VIPR2: variants seen among roughly 807,000 people sequenced by gnomAD.
VIPR2 encodes vasoactive intestinal polypeptide receptor 2.
A neutral mutation model predicts 58.0 loss-of-function variants in VIPR2; 48 were observed. The ratio of observed to expected loss-of-function variants is 0.83; its 90% CI spans 0.66 to 1.05. The LOEUF is 1.05. Among genes scored for constraint, VIPR2 ranks in the 50% least tolerant of loss-of-function variants. The pLI is 0.00. For missense variants in VIPR2, 534 were observed against 558.0 expected (o/e 0.96, Z 0.43); for synonymous variants, 243 against 235.2 (o/e 1.03, Z -0.30).
intron 4 of VIPR2, among the ~76,000 whole-genome samples, chr7:159,079,091 T>C (rs1269672835): frequency 6.6e-6 from 1 of 151,940 alleles, no homozygotes; most frequent in Non-Finnish European, 1.5e-5. Flanking sequence ...CACTCTCAGC[T>C]CCACTCAGAG....
intron 5 of VIPR2, among the ~76,000 whole-genome samples, chr7:159,047,476 G>T (rs113147475): frequency 0.043 from 6,609 of 152,130 alleles, 479 homozygotes; most frequent in African/African-American, 0.15. Flanking sequence ...ATTTGTCAAA[G>T]AATTCGGTTA....
Position 159,090,549 on chromosome 7 carries a change from C to T in VIPR2, c.357+13208G>A, listed in dbSNP as rs868660156. 1.0e-3 allele frequency among the ~76,000 whole-genome samples: 70 copies of T among 68,868 alleles called. 3 individuals are homozygous for T. Among genetic ancestry groups the T allele is most frequent in the African/African-American group, 5.1e-3 (49 of 9,592 alleles). The allele number at this position is 68,868 out of a possible 152,430, so 45.2% of individuals were successfully genotyped here. A position where few individuals can be genotyped will look rare whatever the true frequency, so the allele number is the denominator to read the frequency against. On this transcript the variant is annotated intron_variant, in intron 4 of 12. Transcript: ENST00000262178. ...TGACCTCAGCACAGACACGCTGGGACCACGCACAGGGGCCACCTCTTGTGA... is the reference window on the plus strand; with the variant it reads ...TGACCTCAGCACAGACACGCTGGGATCACGCACAGGGGCCACCTCTTGTGA...
At chr7:159,126,297 TTCTG>T (rs1796646907) in intron 2 of VIPR2, among the ~76,000 whole-genome samples, 1 of 152,264 alleles carries the variant, frequency 6.6e-6, no homozygotes, top group South Asian at 2.1e-4. Context: ...AAATGAAGGC[TTCTG>T]TCTTCTTTTT....
intron 2 of VIPR2, among the ~76,000 whole-genome samples, chr7:159,118,613 C>T (rs761020106): frequency 6.6e-6 from 1 of 152,244 alleles, no homozygotes; most frequent in Non-Finnish European, 1.5e-5. Context: ...CAGGCATGAG[C>T]CCAGCTCCAC....
intron 4 of VIPR2, among the ~76,000 whole-genome samples, chr7:159,086,688 G>T (rs961319470): frequency 6.6e-6 from 1 of 152,220 alleles, no homozygotes; most frequent in African/African-American, 2.4e-5. Flanking sequence ...GTTGTGCCCA[G>T]GAGCTGGTCC....
rs1178079381 is a variant in VIPR2 at position 159,144,768 on chromosome 7, G to A, written c.4C>T (p.Arg2Trp). The A allele has an allele frequency of 1.3e-5, 16 of 1,254,926 alleles. No homozygotes were observed. The highest frequency in any genetic ancestry group is 1.6e-5 in the Non-Finnish European group (16 of 1,001,658). 77.7% of individuals were successfully genotyped at this position (1,254,926 alleles called of 1,614,324 possible). ...AGCAGCGCGGGAGGCAGCAGCGTCCGCATCCCGAGCTCAGCGTGCCGGGGG... is the reference window on the plus strand; with the variant it reads ...AGCAGCGCGGGAGGCAGCAGCGTCCACATCCCGAGCTCAGCGTGCCGGGGG... M[R>W]TLLPPALLTC... The change falls in exon 1 of 13, where the codon CGG (arginine) becomes TGG (tryptophan). Residue 2 changes from arginine to tryptophan, a missense_variant. Physicochemically the swap from Arg to Trp is moderately radical, Grantham distance 101. Coordinates refer to ENST00000262178, the MANE Select transcript of VIPR2 (RefSeq NM_003382.5).
intron 4 of VIPR2, among the ~76,000 whole-genome samples, chr7:159,101,257 C>A (rs1488751891): frequency 7.0e-6 from 1 of 143,242 alleles, no homozygotes; most frequent in East Asian, 2.1e-4. Flanking sequence ...ACGGGTCTCA[C>A]GAGATCCGAT....
chr7:159,058,436 G>T (rs1360116561), intron 5 of VIPR2, 45 bp downstream of exon 5: 1 of 1,567,222 alleles, frequency 6.4e-7, no homozygotes, highest in Non-Finnish European at 8.8e-7. Context: ...TGGAAACTTT[G>T]CTTGTCTTGT....
intron 6 of VIPR2, among the ~76,000 whole-genome samples, chr7:159,041,881 A>T (rs2129493390): frequency 6.6e-6 from 1 of 151,694 alleles, no homozygotes; most frequent in East Asian, 1.9e-4. Flanking sequence ...CCATCCTCAC[A>T]CTTCTTATGG....
chr7:159,066,136 C>T (rs1856071305), intron 4 of VIPR2, among the ~76,000 whole-genome samples: 2 of 151,534 alleles, frequency 1.3e-5, no homozygotes, highest in African/African-American at 2.4e-5. Context: ...CCCACGTTGT[C>T]CATGGGATTC....
intron 2 of VIPR2, among the ~76,000 whole-genome samples, chr7:159,119,943 G>C (rs146299168): frequency 1.3e-5 from 2 of 150,798 alleles, no homozygotes; most frequent in South Asian, 2.1e-4. Flanking sequence ...CGGAAGAAAT[G>C]CTTGTCCCCT....
chr7:159,063,697 G>C (rs1279916086), intron 4 of VIPR2, among the ~76,000 whole-genome samples: 1 of 150,024 alleles, frequency 6.7e-6, no homozygotes, highest in East Asian at 2.0e-4. Flanking sequence ...TGGGGTCCAG[G>C]GGTCTTGGGG....
intron 4 of VIPR2, among the ~76,000 whole-genome samples, chr7:159,067,905 T>C (rs1856177212): frequency 1.3e-5 from 2 of 152,252 alleles, no homozygotes; most frequent in African/African-American, 4.8e-5. Flanking sequence ...TTGCAATGGT[T>C]TGTGGCTGGG....
At chr7:159,088,838 G>A (rs1585458907) in intron 4 of VIPR2, among the ~76,000 whole-genome samples, 1 of 145,680 alleles carries the variant, frequency 6.9e-6, no homozygotes. Context: ...CTGGGGAATG[G>A]GAATAGCCTC....
In VIPR2 at chr7:159,098,966, G is replaced by A. The variant is rs1043747102; in HGVS notation, c.357+4791C>T. ...CCTGCGCTCGCCGGTGGGCAGAGCCGGCCCAGGACCGTGCATGTCCACCCC... is the reference window on the plus strand; with the variant it reads ...CCTGCGCTCGCCGGTGGGCAGAGCCAGCCCAGGACCGTGCATGTCCACCCC... On this transcript the variant is annotated intron_variant, in intron 4 of 12. Transcript: ENST00000262178. The surrounding 1 kb of genome is among the most constrained non-coding windows in gnomAD (Gnocchi z 5.2). Among the ~76,000 whole-genome samples, 1 of 152,106 alleles carries A rather than the reference G, an allele frequency of 6.6e-6. No individual in the cohort carries two copies. The highest frequency in any genetic ancestry group is 2.4e-5 in the African/African-American group (1 of 41,414).
intron 4 of VIPR2, among the ~76,000 whole-genome samples, chr7:159,091,610 C>T (rs1857508357): frequency 6.6e-6 from 1 of 152,236 alleles, no homozygotes; most frequent in Non-Finnish European, 1.5e-5. Flanking sequence ...ACTCCTCACA[C>T]AGTCCGGTTC....
intron 2 of VIPR2, among the ~76,000 whole-genome samples, chr7:159,119,271 G>A (rs778236704): frequency 6.6e-5 from 10 of 152,200 alleles, no homozygotes; most frequent in Non-Finnish European, 1.5e-4. Context: ...TGAGCATGTT[G>A]CTAACCCTAG....
In VIPR2 at chr7:159,141,466, G is replaced by T. The variant is rs147777581; in HGVS notation, c.151+980C>A. 9.6e-3 allele frequency among the ~76,000 whole-genome samples: 1,470 copies of T among 152,350 alleles called. 18 individuals are homozygous for T. The highest frequency in any genetic ancestry group is 0.031 in the African/African-American group (1,289 of 41,576). On this transcript the variant is annotated intron_variant, in intron 2 of 12. Transcript: ENST00000262178. ...CAGCCCATTGTCCAGCGTGGAGACCGCTGGCCGCCTGTGGCTACTGGACCT... is the reference window on the plus strand; with the variant it reads ...CAGCCCATTGTCCAGCGTGGAGACCTCTGGCCGCCTGTGGCTACTGGACCT...
chr7:159,063,028 C>G (rs896168406), intron 4 of VIPR2, among the ~76,000 whole-genome samples: 2 of 152,206 alleles, frequency 1.3e-5, no homozygotes, highest in African/African-American at 4.8e-5. Flanking sequence ...AATCTCTTAG[C>G]TAGACATAAA....
Sources: gnomAD v4.1 joint callset for allele counts (sites outside exome capture counted in the v4.1 genomes callset) on GRCh38, gnomAD v4.1.1 for gene constraint, Gnocchi (gnomAD v3.1) non-coding constraint, MANE v1.5 for transcripts, NCBI Gene and HGNC (gene_info 2026-07-23, HGNC 2026-07-21) for gene names.